Variants in CDH12 observed in about 807,000 individuals in gnomAD.
The protein encoded by CDH12 is cadherin 12, also known as cadherin-12.
Under a neutral mutation model 74.1 loss-of-function variants are expected in CDH12, and 41 were observed. The ratio of observed to expected loss-of-function variants is 0.55; its 90% CI spans 0.43 to 0.72. The LOEUF (loss-of-function observed/expected upper bound fraction) is 0.72, where lower values mean the gene tolerates loss of function less well. CDH12 is among the 30% of genes least tolerant of loss of function. The pLI is 0.00. For synonymous variants in CDH12, 399 were observed against 355.0 expected, an observed-to-expected ratio of 1.12 and a Z score of -1.39; for missense variants, 945 against 977.2, an observed-to-expected ratio of 0.97 and a Z score of 0.44.
chr5:21,753,973 T>G lies in CDH12; in HGVS notation c.1885+1618A>C, dbSNP rs116077274. On this transcript the variant is annotated intron_variant, in intron 14 of 14. Coordinates refer to ENST00000382254, the MANE Select transcript of CDH12 (RefSeq NM_004061.5). ...AATGTGAGTGCCATAGTAAACTATG[T>G]GTGTGTTCAAGAGATAAAGGAAGAC... Among the ~76,000 whole-genome samples the G allele has an allele frequency of 8.6e-3, 1,304 of 152,184 alleles. 15 individuals carry two copies. The highest frequency in any genetic ancestry group is 0.03 in the African/African-American group (1,237 of 41,516).
chr5:22,137,035 C>G (rs1158630629), intron 4 of CDH12, among the ~76,000 whole-genome samples: 1 of 150,848 alleles, frequency 6.6e-6, no homozygotes, highest in African/African-American at 2.4e-5. Context: ...AAAATCGAAG[C>G]ATTTGTTAGT....
At chr5:21,998,924 T>G (rs1181135253) in intron 5 of CDH12, among the ~76,000 whole-genome samples, 1 of 152,140 alleles carries the variant, frequency 6.6e-6, no homozygotes, top group South Asian at 2.1e-4. Context: ...CTTATGCATG[T>G]TTAATTGTTT....
chr5:21,947,548 TTAA>T (rs1561320253), intron 6 of CDH12, among the ~76,000 whole-genome samples: 1 of 152,226 alleles, frequency 6.6e-6, no homozygotes, highest in Non-Finnish European at 1.5e-5. Flanking sequence ...TGTGGAACTT[TTAA>T]TTTGAGAAAC....
intron 1 of CDH12, among the ~76,000 whole-genome samples, chr5:22,722,780 G>A (rs1743966718): frequency 6.6e-6 from 1 of 152,174 alleles, no homozygotes; most frequent in East Asian, 1.9e-4. Flanking sequence ...AAAGAAGAAT[G>A]AATGTGCAGA....
intron 5 of CDH12, among the ~76,000 whole-genome samples, chr5:22,037,682 A>G (rs1377362919): frequency 2.6e-5 from 4 of 152,202 alleles, no homozygotes; most frequent in African/African-American, 9.7e-5. Context: ...ATTAGAAAGT[A>G]GCCTTGCTAG....
chr5:21,891,601 A>T (rs190799232), intron 6 of CDH12, among the ~76,000 whole-genome samples: 5 of 150,226 alleles, frequency 3.3e-5, no homozygotes, highest in African/African-American at 1.2e-4. Flanking sequence ...ACACACACAC[A>T]CTCTTTCTGG....
chr5:21,900,238 C>T (rs1753322882), intron 6 of CDH12, among the ~76,000 whole-genome samples: 1 of 151,942 alleles, frequency 6.6e-6, no homozygotes, highest in Non-Finnish European at 1.5e-5. Flanking sequence ...ATAATATGTG[C>T]CTCAATTCCT....
Position 22,448,660 on chromosome 5 carries a change from T to A in CDH12, c.-427-43309A>T, listed in dbSNP as rs539896840. ...GGTAGAATGAGGTGGCACTGATAAG[T>A]TTATAGTTAAAGAGCAGTTATAAGA... On this transcript the variant is annotated intron_variant, in intron 2 of 14. Transcript: ENST00000382254. 9.2e-5 allele frequency among the ~76,000 whole-genome samples: 14 copies of A among 152,210 alleles called. No homozygotes were observed. The South Asian group carries it at 2.7e-3, about 29-fold the overall frequency.
chr5:22,443,212 G>C (rs1744694042), intron 2 of CDH12, among the ~76,000 whole-genome samples: 1 of 152,078 alleles, frequency 6.6e-6, no homozygotes, highest in Non-Finnish European at 1.5e-5. Context: ...TTGTATGTGT[G>C]ATTTGCTTCC....
chr5:22,088,502 A>G (rs914571158), intron 4 of CDH12, among the ~76,000 whole-genome samples: 1 of 152,120 alleles, frequency 6.6e-6, no homozygotes, highest in African/African-American at 2.4e-5. Flanking sequence ...CACCACCACC[A>G]CTACTACCAC....
intron 1 of CDH12, among the ~76,000 whole-genome samples, chr5:22,539,478 G>GT (rs1738001627): frequency 1.3e-5 from 2 of 152,202 alleles, no homozygotes; most frequent in African/African-American, 4.8e-5. Context: ...GGATTGAAGA[G>GT]TAGATGTTCT....
chr5:22,824,210 A>G (rs1191378368), intron 1 of CDH12, among the ~76,000 whole-genome samples: 1 of 152,152 alleles, frequency 6.6e-6, no homozygotes, highest in Non-Finnish European at 1.5e-5. Flanking sequence ...AATATTCTTT[A>G]CCAGTAGTAA....
chr5:21,956,397 A>G (rs1580014260), intron 6 of CDH12, among the ~76,000 whole-genome samples: 1 of 152,104 alleles, frequency 6.6e-6, no homozygotes. Flanking sequence ...AGATGTGTCT[A>G]TTAAATAGTT....
In CDH12 at chr5:21,966,158, G is replaced by GTTT. The variant is rs71609724; in HGVS notation, c.526+8930_526+8932dup. Among the ~76,000 whole-genome samples, 506 of 123,290 alleles carry GTTT rather than the reference G, an allele frequency of 4.1e-3. 7 individuals are homozygous for GTTT. Among genetic ancestry groups the GTTT allele is most frequent in the African/African-American group, 0.013 (457 of 34,458 alleles). 80.9% of individuals were successfully genotyped at this position (123,290 alleles called of 152,430 possible). A position where few individuals can be genotyped will look rare whatever the true frequency, so the allele number is the denominator to read the frequency against. On this transcript the variant is annotated intron_variant, in intron 6 of 14. Transcript: ENST00000382254. ...CTTGCCATTTTCTTTCTATTTTTAC[G>GTTT]TTTTTTTTTTTTTTTTTCTTTTGGA...
At chr5:22,350,430 A>T (rs561608307) in intron 3 of CDH12, among the ~76,000 whole-genome samples, 1 of 152,308 alleles carries the variant, frequency 6.6e-6, no homozygotes, top group Non-Finnish European at 1.5e-5. Flanking sequence ...TAGGAAGTAA[A>T]TCCATCAGGA....
chr5:21,801,276 G>C (rs1315946588), intron 10 of CDH12, among the ~76,000 whole-genome samples: 1 of 152,154 alleles, frequency 6.6e-6, no homozygotes, highest in East Asian at 1.9e-4. Flanking sequence ...TATGTCAATA[G>C]AATAAAGTGT....
At chr5:21,854,892 G>A (rs570261864) in intron 6 of CDH12, 102 bp from the exon 7 acceptor site, 20 of 998,940 alleles carry the variant, frequency 2.0e-5, no homozygotes, top group South Asian at 5.0e-5. Context: ...TTTGACCTAC[G>A]TCAAGTACAC....
intron 1 of CDH12, among the ~76,000 whole-genome samples, chr5:22,742,771 AAC>A (rs1348094863): frequency 6.6e-6 from 1 of 150,652 alleles, no homozygotes; most frequent in African/African-American, 2.4e-5. Flanking sequence ...AATAGATATA[AAC>A]ACATATATAT....
chr5:22,029,327 C>T (rs1206047468), intron 5 of CDH12, among the ~76,000 whole-genome samples: 1 of 152,090 alleles, frequency 6.6e-6, no homozygotes, highest in Non-Finnish European at 1.5e-5. Context: ...GAACAGGCAA[C>T]CCACAAAATG....
Sources: allele counts gnomAD v4.1 joint callset (sites outside exome capture counted in the v4.1 genomes callset), GRCh38; gene constraint gnomAD v4.1.1; transcripts MANE v1.5; gene names NCBI Gene and HGNC (gene_info 2026-07-23, HGNC 2026-07-21).